Variants in PPM1B observed in about 807,000 individuals in gnomAD.
PPM1B encodes protein phosphatase, Mg2+/Mn2+ dependent 1B.
PPM1B carries 22 observed loss-of-function variants against 43.0 expected under a neutral mutation model. The observed-to-expected ratio is 0.51, with a 90% CI of 0.37 to 0.73. PPM1B has a LOEUF of 0.73. Ranked by LOEUF, PPM1B falls within the 30% of genes least tolerant of loss-of-function variation. PPM1B has a pLI of 0.00. For missense variants in PPM1B, 632 were observed against 584.2 expected (o/e 1.08, Z -0.84); for synonymous variants, 217 against 197.9 (o/e 1.10, Z -0.81).
downstream of PPM1B, chr2:44,233,325 G>A (rs1670522291): frequency 7.2e-6 from 7 of 976,852 alleles, no homozygotes; most frequent in South Asian, 1.9e-4. Context: ...ATTTTCATGG[G>A]TTCAGTAACT....
At chr2:44,178,498 G>A (rs1160936559) in intron 1 of PPM1B, among the ~76,000 whole-genome samples, 3 of 136,044 alleles carry the variant, frequency 2.2e-5, no homozygotes, top group Admixed American at 7.5e-5. Context: ...ACAGAGTTTC[G>A]CTCTTGTCAC....
At chr2:44,235,496 G>A (rs1294940104), downstream of PPM1B, among the ~76,000 whole-genome samples, 2 of 151,738 alleles carry the variant, frequency 1.3e-5, no homozygotes, top group East Asian at 1.9e-4. Flanking sequence ...CCAGCTACTC[G>A]GGAGGCTGAG....
rs1171437856 is a variant in PPM1B at position 44,230,635 on chromosome 2, C to T, written c.1357C>T (p.His453Tyr). The change falls in exon 6 of 6, where the codon CAT becomes TAT. Residue 453 changes from histidine (H) to tyrosine (Y), a missense_variant. Physicochemically the swap from His to Tyr is moderately conservative, Grantham distance 83 (BLOSUM62 2). This residue lies in a region of PPM1B where 392 missense variants were observed against 302.7 expected (regional missense o/e 1.29). Coordinates refer to ENST00000282412, the MANE Select transcript of PPM1B (RefSeq NM_002706.6). The stretch of plus-strand genomic sequence containing the variant: ...AAACCCAGTGACAATGCAGGAAAGC[C>T]ATACTGAATCAGAAAGTGGTCTTGC... ...AGNPVTMQES[H>Y]TESESGLAEL... 1 of 1,614,012 alleles carries T rather than the reference C, an allele frequency of 6.2e-7. No homozygotes were observed. The highest frequency in any genetic ancestry group is 8.5e-7 in the Non-Finnish European group (1 of 1,180,004).
chr2:44,202,488 C>G (rs1668987473), intron 2 of PPM1B, among the ~76,000 whole-genome samples: 1 of 152,132 alleles, frequency 6.6e-6, no homozygotes, highest in African/African-American at 2.4e-5. Flanking sequence ...AGTCCTGAGC[C>G]TCCTAGCAGT....
intron 5 of PPM1B, among the ~76,000 whole-genome samples, chr2:44,228,918 C>G (rs1202097035): frequency 6.6e-6 from 1 of 152,118 alleles, no homozygotes; most frequent in East Asian, 1.9e-4. Context: ...CACGGTAGCT[C>G]ACACCTGTAA....
Position 44,209,231 on chromosome 2 carries a change from A to G in PPM1B, c.868A>G (p.Ile290Val), listed in dbSNP as rs908625056. The G allele has an allele frequency of 2.5e-6, 4 of 1,610,486 alleles. No homozygotes were observed. Among genetic ancestry groups the G allele is most frequent in the Non-Finnish European group, 3.4e-6 (4 of 1,177,722 alleles). The change falls in exon 3 of 6, where the codon ATT becomes GTT. Residue 290 changes from isoleucine (I) to valine (V), a missense_variant. Physicochemically the swap from Ile to Val is conservative, Grantham distance 29. Coordinates refer to ENST00000282412, the MANE Select transcript of PPM1B (RefSeq NM_002706.6). Reference sequence around the variant, plus strand: ...ACAGGGAAGTCGAGATAACATGAGTATTGTACTAGTTTGCTTTTCAAATGC... The same window carrying G: ...ACAGGGAAGTCGAGATAACATGAGTGTTGTACTAGTTTGCTTTTCAAATGC... ...LHKGSRDNMSIVLVCFSNAPK... is the reference protein window; with the variant it reads ...LHKGSRDNMSVVLVCFSNAPK...
intron 1 of PPM1B, among the ~76,000 whole-genome samples, chr2:44,174,672 A>G (rs1395360928): frequency 6.6e-6 from 1 of 152,238 alleles, no homozygotes; most frequent in Non-Finnish European, 1.5e-5. Flanking sequence ...GTAATTTGTA[A>G]GAGTTTGAAG....
intron 5 of PPM1B, among the ~76,000 whole-genome samples, chr2:44,226,708 T>C (rs1670225078): frequency 1.3e-5 from 2 of 151,098 alleles, no homozygotes; most frequent in Non-Finnish European, 3.0e-5. Flanking sequence ...CCTGTAATTT[T>C]TTTTTAATAA....
intron 3 of PPM1B, 91 bp downstream of exon 3, chr2:44,209,418 C>T (rs1002236620): frequency 7.4e-7 from 1 of 1,343,284 alleles, no homozygotes; most frequent in African/African-American, 1.5e-5. Context: ...GGCGACACAC[C>T]AAGGCTCTGT....
chr2:44,197,117 C>T (rs776342139), intron 1 of PPM1B, among the ~76,000 whole-genome samples: 1 of 152,046 alleles, frequency 6.6e-6, no homozygotes, highest in Non-Finnish European at 1.5e-5. Context: ...TTTCCACTAA[C>T]GTTAACTTTT....
intron 1 of PPM1B, among the ~76,000 whole-genome samples, 196 bp downstream of exon 1, chr2:44,169,470 C>T (rs1486727160): frequency 1.3e-5 from 2 of 152,246 alleles, no homozygotes; most frequent in East Asian, 3.9e-4. Context: ...GTATAGGCCC[C>T]TTCCCCGGCC....
At chr2:44,203,340 G>C (rs1038652402) in intron 2 of PPM1B, among the ~76,000 whole-genome samples, 3 of 152,108 alleles carry the variant, frequency 2.0e-5, no homozygotes, top group Admixed American at 1.3e-4. Context: ...TGATCAAATA[G>C]TAAGTGGGTC....
intron 1 of PPM1B, among the ~76,000 whole-genome samples, chr2:44,178,489 C>T (rs1296977099): frequency 7.8e-6 from 1 of 128,398 alleles, no homozygotes; most frequent in African/African-American, 3.0e-5. Flanking sequence ...TTTTTTTAGA[C>T]AGAGTTTCGC....
chr2:44,244,448 A>T, downstream of PPM1B: 1 of 1,045,318 alleles, frequency 9.6e-7, no homozygotes, highest in Non-Finnish European at 1.2e-6. Context: ...AAGGACTGTC[A>T]CTGTGCCCTT....
intron 1 of PPM1B, among the ~76,000 whole-genome samples, chr2:44,170,791 T>C (rs980796662): frequency 1.1e-4 from 17 of 152,238 alleles, no homozygotes; most frequent in African/African-American, 4.1e-4. Flanking sequence ...GAAGTAATGG[T>C]AATTTTTTAA....
intron 2 of PPM1B, among the ~76,000 whole-genome samples, chr2:44,205,246 G>A (rs1335079248): frequency 2.6e-5 from 4 of 152,092 alleles, no homozygotes; most frequent in African/African-American, 9.7e-5. Flanking sequence ...TACTTGGTGA[G>A]TATTGAGGCT....
At chr2:44,237,390 T>G (rs192084461), downstream of PPM1B, among the ~76,000 whole-genome samples, 114 of 152,350 alleles carry the variant, frequency 7.5e-4, no homozygotes, top group Non-Finnish European at 1.4e-3. Flanking sequence ...TGCTGGCTTT[T>G]CTGGCTGTGG....
chr2:44,169,100 C>T lies in PPM1B; in HGVS notation c.-189C>T, dbSNP rs1667182305. ...TAGGGTGGAGAGAAGGCGGCATCGG[C>T]GGCGGCGGCGGCGTGAGGGGCCGGG... On this transcript the variant is annotated 5_prime_UTR_variant, in exon 1 of 6. Transcript: ENST00000282412. The T allele has an allele frequency of 5.6e-6, 1 of 180,108 alleles. No homozygotes were observed. The highest frequency in any genetic ancestry group is 8.9e-5 in the South Asian group (1 of 11,232). The allele number at this position is 180,108 out of a possible 1,614,324, so 11.2% of individuals were successfully genotyped here. A position where few individuals can be genotyped will look rare whatever the true frequency, so the allele number is the denominator to read the frequency against.
At chr2:44,186,439 G>C (rs1368770943) in intron 1 of PPM1B, among the ~76,000 whole-genome samples, 4 of 152,170 alleles carry the variant, frequency 2.6e-5, no homozygotes, top group Non-Finnish European at 5.9e-5. Context: ...TATCATCTCA[G>C]CTCACTGCAC....
Sources: gnomAD v4.1 joint callset for allele counts (sites outside exome capture counted in the v4.1 genomes callset) on GRCh38, gnomAD v4.1.1 for gene constraint, gnomAD v4.1.1 regional missense constraint, MANE v1.5 for transcripts, NCBI Gene and HGNC (gene_info 2026-07-23, HGNC 2026-07-21) for gene names.